COL3A1: variants seen among roughly 807,000 people sequenced by gnomAD.
COL3A1 encodes collagen type III alpha 1 chain.
COL3A1 carries 46 observed loss-of-function variants against 200.9 expected under a neutral mutation model. The observed-to-expected ratio is 0.23, with a 90% CI of 0.18 to 0.29. The LOEUF is 0.29. Among genes scored for constraint, COL3A1 ranks in the 10% least tolerant of loss-of-function variants. The pLI, the probability that COL3A1 is intolerant of heterozygous loss-of-function variation, is 1.00. For synonymous variants in COL3A1, 650 were observed against 628.0 expected, an observed-to-expected ratio of 1.03 and a Z score of -0.52; for missense variants, 1,367 against 1,917.6, an observed-to-expected ratio of 0.71 and a Z score of 5.36.
At chr2:189,001,881 A>G (rs2153503265) in intron 34 of COL3A1, among the ~76,000 whole-genome samples, 1 of 152,344 alleles carries the variant, frequency 6.6e-6, no homozygotes, top group South Asian at 2.1e-4. Flanking sequence ...TTAAGCCTAT[A>G]GAATCTTTGC....
intron 35 of COL3A1, 119 bp downstream of exon 35, chr2:189,002,470 A>G: frequency 3.5e-6 from 3 of 865,190 alleles, no homozygotes; most frequent in Middle Eastern, 2.2e-4. Flanking sequence ...CATTCCCTAT[A>G]GGATTATTGT....
chr2:188,994,518 A>T lies in COL3A1; in HGVS notation c.1294-23A>T, dbSNP rs761973071. The T allele has an allele frequency of 1.5e-5, 25 of 1,613,838 alleles. No homozygotes were observed. The highest frequency in any genetic ancestry group is 2.1e-5 in the Non-Finnish European group (25 of 1,179,880). ...TTAGTCGAATCCTCCCTGTGTTTCA[A>T]CCAAGACTTTGTTATACTTTAGGGT... is the stretch of plus-strand genomic sequence containing the variant. On this transcript the variant is annotated intron_variant, in intron 18 of 50. Transcript: ENST00000304636. This position sits in a 1 kb window ranked among gnomAD's most constrained non-coding sequence, Gnocchi z 4.5.
Position 188,996,278 on chromosome 2 carries a change from ATATATGTATATGTATATC to A in COL3A1, c.1662+106_1663-97del, listed in dbSNP as rs1559057180. 1.8e-3 allele frequency: 1,473 copies of A among 825,008 alleles called. 18 individuals are homozygous for A. In the African/African-American group the frequency reaches 0.035, roughly 20 times the overall value. 51.1% of individuals were successfully genotyped at this position (825,008 alleles called of 1,614,324 possible). A position where few individuals can be genotyped will look rare whatever the true frequency, so the allele number is the denominator to read the frequency against. On this transcript the variant is annotated intron_variant, in intron 23 of 50. Coordinates refer to ENST00000304636, the MANE Select transcript of COL3A1 (RefSeq NM_000090.4). Reference sequence around the variant, plus strand: ...TGTGTGTGTGTGTGTGTGTATATATATATATGTATATGTATATCTATATATATACACACACACACACAC... The same window carrying A: ...TGTGTGTGTGTGTGTGTGTATATATATATATATATACACACACACACACAC...
chr2:188,986,874 A>G (rs1363605653), intron 4 of COL3A1, among the ~76,000 whole-genome samples, 185 bp from the exon 5 acceptor site: 1 of 152,120 alleles, frequency 6.6e-6, no homozygotes, highest in Non-Finnish European at 1.5e-5. Flanking sequence ...CTTCTGTAGG[A>G]TATCTAACGT....
chr2:189,002,859 C>G, intron 35 of COL3A1, 96 bp from the exon 36 acceptor site: 2 of 950,828 alleles, frequency 2.1e-6, no homozygotes, highest in Non-Finnish European at 1.7e-6. Context: ...CAACTCCTTC[C>G]ATCTGAAGAA....
Position 188,998,862 on chromosome 2 carries a change from C to T in COL3A1, c.2022+144C>T. On this transcript the variant is annotated intron_variant, in intron 29 of 50. Transcript: ENST00000304636. Reference sequence around the variant, plus strand: ...TTTGGTAAGTACACTTAGAGAAACTCAAGACACTTTCAATACATTAAATTT... The same window carrying T: ...TTTGGTAAGTACACTTAGAGAAACTTAAGACACTTTCAATACATTAAATTT... 24 of 808,470 alleles carry T rather than the reference C, an allele frequency of 3.0e-5. 1 individual carries two copies. The South Asian group carries it at 3.3e-4, about 11-fold the overall frequency. The allele number at this position is 808,470 out of a possible 1,614,324, so 50.1% of individuals were successfully genotyped here. A position where few individuals can be genotyped will look rare whatever the true frequency, so the allele number is the denominator to read the frequency against.
At chr2:189,008,526 A>G (rs1021508192) in intron 47 of COL3A1, 1 of 392,686 alleles carries the variant, frequency 2.5e-6, no homozygotes, top group East Asian at 6.0e-5. Flanking sequence ...TAATGATACT[A>G]TCATTCCTAA....
At chr2:188,978,756 C>A (rs1187316307) in intron 1 of COL3A1, among the ~76,000 whole-genome samples, 38 of 87,726 alleles carry the variant, frequency 4.3e-4, no homozygotes, top group Non-Finnish European at 5.5e-4. Context: ...TTTCCACACT[C>A]AAAAAAAAAA....
intron 42 of COL3A1, 37 bp from the exon 43 acceptor site, chr2:189,006,308 C>G: frequency 6.2e-7 from 1 of 1,613,352 alleles, no homozygotes; most frequent in Non-Finnish European, 8.5e-7. Context: ...AATAAGTGAT[C>G]ATCATGTTTA....
At chr2:189,005,865 A>G (rs191012539) in intron 41 of COL3A1, among the ~76,000 whole-genome samples, 1 of 152,302 alleles carries the variant, frequency 6.6e-6, no homozygotes, top group East Asian at 1.9e-4. Context: ...GTTTTAATAT[A>G]TGTATACAAT....
At chr2:188,980,890 T>G (rs992992534) in intron 1 of COL3A1, among the ~76,000 whole-genome samples, 2 of 151,330 alleles carry the variant, frequency 1.3e-5, no homozygotes, top group Non-Finnish European at 3.0e-5. Context: ...GTAATGAAAA[T>G]AATTATGATA....
rs374537884 is a variant in COL3A1, at chr2:188,984,771, G to C, written c.91G>C (p.Gly31Arg). ...ILAQQEAVEG[G>R]CSHLGQSYAD... Reference sequence around the variant, plus strand: ...AACTTGTTTTTCAGCTGTTGAAGGAGGATGTTCCCATCTTGGTCAGTCCTA... The same window carrying C: ...AACTTGTTTTTCAGCTGTTGAAGGACGATGTTCCCATCTTGGTCAGTCCTA... Residue 31 changes from glycine (G) to arginine (R), a missense_variant, in exon 2 of 51, where the codon GGA becomes CGA. Physicochemically the swap from Gly to Arg is moderately radical, Grantham distance 125. Transcript: ENST00000304636. 2.2e-5 allele frequency: 36 copies of C among 1,612,886 alleles called. No homozygotes were observed. Among genetic ancestry groups the C allele is most frequent in the Admixed American group, 3.3e-5 (2 of 59,884 alleles).
chr2:188,976,287 G>T (rs183513417), intron 1 of COL3A1, among the ~76,000 whole-genome samples: 3 of 133,392 alleles, frequency 2.2e-5, no homozygotes, highest in Admixed American at 1.5e-4. Context: ...CAACTTTAGT[G>T]GGGGGGTGTT....
chr2:189,002,389 C>G (rs1688487913), intron 35 of COL3A1, 38 bp downstream of exon 35: 1 of 1,581,614 alleles, frequency 6.3e-7, no homozygotes, highest in Admixed American at 1.7e-5. Context: ...TCCCATAGCC[C>G]AGGATCTCTA....
intron 9 of COL3A1, 73 bp from the exon 10 acceptor site, chr2:188,990,228 TAAAAAC>T (rs1411467769): frequency 1.3e-6 from 2 of 1,580,146 alleles, no homozygotes; most frequent in Non-Finnish European, 8.7e-7. Flanking sequence ...GAATTAAACT[TAAAAAC>T]AGAAAGTGTT....
chr2:188,992,552 A>G (rs1351830452), intron 14 of COL3A1, among the ~76,000 whole-genome samples: 2 of 152,094 alleles, frequency 1.3e-5, no homozygotes, highest in Non-Finnish European at 2.9e-5. Context: ...TTAATATCCT[A>G]TGTAAGACAT....
intron 14 of COL3A1, 90 bp from the exon 15 acceptor site, chr2:188,992,797 C>G (rs893010212): frequency 3.0e-6 from 3 of 997,272 alleles, no homozygotes; most frequent in Non-Finnish European, 4.8e-6. Context: ...TAAATATCTT[C>G]TTTACTTTAT....
In COL3A1 at chr2:188,990,118, G is replaced by A. The variant is rs760324242; in HGVS notation, c.713G>A (p.Arg238Gln). 1.4e-5 allele frequency: 22 copies of A among 1,613,518 alleles called. No homozygotes were observed. The highest frequency in any genetic ancestry group is 2.2e-5 in the East Asian group (1 of 44,870). Residue 238 changes from arginine (R) to glutamine (Q), a missense_variant, in exon 9 of 51, where the codon CGA (arginine) becomes CAA (glutamine). Arg to Gln is a conservative substitution (Grantham distance 43). Coordinates refer to ENST00000304636, the MANE Select transcript of COL3A1 (RefSeq NM_000090.4). Reference protein sequence around the residue: ...GKDGESGRPGRPGERGLPGPP... With the variant: ...GKDGESGRPGQPGERGLPGPP... ...TAGGGAGAATCAGGTAGACCCGGAC[G>A]ACCTGGAGAGCGAGGATTGCCTGGA...
intron 25 of COL3A1, 57 bp from the exon 26 acceptor site, chr2:188,997,279 C>G: frequency 1.2e-6 from 2 of 1,612,926 alleles, no homozygotes; most frequent in South Asian, 1.1e-5. Context: ...CTCCAACCTT[C>G]TGACTTCTCT....
Sources: allele counts gnomAD v4.1 joint callset (sites outside exome capture counted in the v4.1 genomes callset), GRCh38; gene constraint gnomAD v4.1.1; non-coding constraint Gnocchi (gnomAD v3.1); transcripts MANE v1.5; gene names NCBI Gene and HGNC (gene_info 2026-07-23, HGNC 2026-07-21).